The following SPAG16 variants were observed in gnomAD, a reference collection of about 807,000 sequenced individuals.
The protein encoded by SPAG16 is sperm associated antigen 16, also known as sperm-associated antigen 16 protein.
In SPAG16, 86 loss-of-function variants were observed where a neutral mutation model predicts 80.4. That is an observed-to-expected ratio of 1.07 (90% CI 0.90 to 1.28). The LOEUF (loss-of-function observed/expected upper bound fraction) is 1.28, where lower values mean the gene tolerates loss of function less well. Ranked by LOEUF, SPAG16 falls within the 50% of genes most tolerant of loss-of-function variation. The pLI, the probability that SPAG16 is intolerant of heterozygous loss-of-function variation, is 0.00. For missense variants in SPAG16, 870 were observed against 765.3 expected, an observed-to-expected ratio of 1.14 and a Z score of -1.61; for synonymous variants, 294 against 265.9, an observed-to-expected ratio of 1.11 and a Z score of -1.03.
chr2:213,343,344 G>A (rs72937075), intron 6 of SPAG16, among the ~76,000 whole-genome samples: 1,986 of 152,222 alleles, frequency 0.013, 20 homozygotes, highest in Middle Eastern at 0.024. Context: ...AAAGCTTAAA[G>A]GTAAGCTTTG....
At chr2:213,560,293 G>T (rs1291432678) in intron 10 of SPAG16, among the ~76,000 whole-genome samples, 1 of 152,068 alleles carries the variant, frequency 6.6e-6, no homozygotes, top group Non-Finnish European at 1.5e-5. Flanking sequence ...AAAAGATAAA[G>T]CTAGAAACTA....
chr2:213,382,027 C>T (rs1442903014), intron 9 of SPAG16, among the ~76,000 whole-genome samples: 7 of 152,042 alleles, frequency 4.6e-5, no homozygotes, highest in South Asian at 2.1e-4. Flanking sequence ...ATTGTACAAA[C>T]CTGTATGGAA....
At chr2:214,237,323 TA>T (rs200041322) in intron 15 of SPAG16, among the ~76,000 whole-genome samples, 2,942 of 147,976 alleles carry the variant, frequency 0.02, 49 homozygotes, top group African/African-American at 0.041. Context: ...CATGAAACAT[TA>T]AAAAAAAAAC....
intron 15 of SPAG16, among the ~76,000 whole-genome samples, chr2:214,232,645 T>C (rs1404988924): frequency 6.6e-6 from 1 of 151,976 alleles, no homozygotes; most frequent in Non-Finnish European, 1.5e-5. Flanking sequence ...GCCAAATGCA[T>C]GTTTGGACAG....
chr2:213,951,662 A>G (rs2079787053), intron 12 of SPAG16, among the ~76,000 whole-genome samples: 2 of 152,200 alleles, frequency 1.3e-5, no homozygotes, highest in Admixed American at 6.5e-5. Context: ...AAAATATGAC[A>G]AAAGAGTATA....
At chr2:213,987,123 G>C (rs183320474) in intron 12 of SPAG16, among the ~76,000 whole-genome samples, 2 of 151,936 alleles carry the variant, frequency 1.3e-5, no homozygotes, top group African/African-American at 4.8e-5. Flanking sequence ...AATTTGTCTT[G>C]CATTATATTT....
At chr2:214,229,415 C>G (rs112724268) in intron 15 of SPAG16, among the ~76,000 whole-genome samples, 3,481 of 151,666 alleles carry the variant, frequency 0.023, 84 homozygotes, top group African/African-American at 0.06. Context: ...ATCTAAAGAA[C>G]AGTGCAAACA....
intron 10 of SPAG16, among the ~76,000 whole-genome samples, chr2:213,786,518 A>G (rs565257604): frequency 3.3e-5 from 5 of 152,338 alleles, no homozygotes; most frequent in African/African-American, 1.2e-4. Flanking sequence ...TCATAAAACA[A>G]CTTATAATTA....
intron 9 of SPAG16, among the ~76,000 whole-genome samples, chr2:213,396,234 C>G (rs1188255214): frequency 6.6e-6 from 1 of 152,106 alleles, no homozygotes; most frequent in African/African-American, 2.4e-5. Flanking sequence ...AAAAAATTCT[C>G]ATAACATTTA....
At chr2:213,740,689 T>TA (rs1374005998) in intron 10 of SPAG16, among the ~76,000 whole-genome samples, 1 of 152,152 alleles carries the variant, frequency 6.6e-6, no homozygotes, top group Non-Finnish European at 1.5e-5. Context: ...AAGGGTAACT[T>TA]ACTAACCTCC....
chr2:214,000,927 G>A (rs1459364586), intron 12 of SPAG16, among the ~76,000 whole-genome samples: 2 of 151,962 alleles, frequency 1.3e-5, no homozygotes, highest in Non-Finnish European at 2.9e-5. Context: ...TATGCTTGCT[G>A]GGCCCTTTAC....
At chr2:213,287,865 T>G (rs770961753) in intron 1 of SPAG16, among the ~76,000 whole-genome samples, 7 of 152,222 alleles carry the variant, frequency 4.6e-5, no homozygotes, top group Non-Finnish European at 1.0e-4. Context: ...GTAGCAAGCC[T>G]GTAGATAAAT....
intron 13 of SPAG16, among the ~76,000 whole-genome samples, chr2:214,061,283 T>C (rs1178066752): frequency 6.6e-6 from 1 of 152,164 alleles, no homozygotes; most frequent in Admixed American, 6.6e-5. Context: ...ATGCGTGTTA[T>C]AACCAGACAG....
chr2:213,928,642 T>C (rs962253888), intron 11 of SPAG16, among the ~76,000 whole-genome samples: 1 of 152,230 alleles, frequency 6.6e-6, no homozygotes, highest in Non-Finnish European at 1.5e-5. Flanking sequence ...ATTTCATTCA[T>C]GCTTGCATGC....
At position 213,315,689 on chromosome 2, in the gene SPAG16, G is replaced by A. The variant is rs2063372560; in HGVS notation, c.399-1530G>A. On this transcript the variant is annotated intron_variant, in intron 4 of 15. Transcript: ENST00000331683. ...TGGCTTTTATCTGCATGACTCTATT[G>A]AAAACTTTTTTTTTTTTAATAGTGA... is the stretch of plus-strand genomic sequence containing the variant. 1.8e-4 allele frequency among the ~76,000 whole-genome samples: 5 copies of A among 27,348 alleles called. No homozygotes were observed. In the South Asian group the frequency reaches 0.014, roughly 77 times the overall value. The allele number at this position is 27,348 out of a possible 152,430, so 17.9% of individuals were successfully genotyped here.
At chr2:213,426,942 GTT>G (rs912509206) in intron 9 of SPAG16, among the ~76,000 whole-genome samples, 1 of 150,598 alleles carries the variant, frequency 6.6e-6, no homozygotes, top group Non-Finnish European at 1.5e-5. Flanking sequence ...AATAACCAAA[GTT>G]TTTTTCTTAT....
chr2:213,413,147 A>C (rs753002489), intron 9 of SPAG16, among the ~76,000 whole-genome samples: 2 of 152,184 alleles, frequency 1.3e-5, no homozygotes, highest in Non-Finnish European at 2.9e-5. Flanking sequence ...AGCATAAATG[A>C]ATAGGATAAT....
intron 9 of SPAG16, among the ~76,000 whole-genome samples, chr2:213,427,059 A>T (rs2069977727): frequency 6.6e-6 from 1 of 152,136 alleles, no homozygotes; most frequent in African/African-American, 2.4e-5. Context: ...AAATTAAAGT[A>T]TAAAAATAAA....
At chr2:214,115,542 G>C in intron 14 of SPAG16, among the ~76,000 whole-genome samples, 1 of 152,162 alleles carries the variant, frequency 6.6e-6, no homozygotes, top group Non-Finnish European at 1.5e-5. Flanking sequence ...TAGCAATCTA[G>C]ATTCACAGAA....
Sources: gnomAD v4.1 joint callset for allele counts (sites outside exome capture counted in the v4.1 genomes callset) on GRCh38, gnomAD v4.1.1 for gene constraint, MANE v1.5 for transcripts, NCBI Gene and HGNC (gene_info 2026-07-23, HGNC 2026-07-21) for gene names.